SYT9: variants seen among roughly 807,000 people sequenced by gnomAD.
The protein encoded by SYT9 is synaptotagmin 9.
In SYT9, 22 loss-of-function variants were observed where a neutral mutation model predicts 48.4. The ratio of observed to expected loss-of-function variants is 0.45; its 90% CI spans 0.32 to 0.65. The LOEUF (loss-of-function observed/expected upper bound fraction) is 0.65, where lower values mean the gene tolerates loss of function less well. SYT9 is among the 30% of genes least tolerant of loss of function. The pLI is 0.03. For synonymous variants in SYT9, 265 were observed against 245.0 expected (o/e 1.08, Z -0.76); for missense variants, 577 against 622.0 (o/e 0.93, Z 0.77).
chr11:7,451,781 T>A (rs1187877316), intron 6 of SYT9, among the ~76,000 whole-genome samples: 1 of 152,098 alleles, frequency 6.6e-6, no homozygotes, highest in Admixed American at 6.5e-5. Flanking sequence ...TAGAGTGCAC[T>A]CCGGGATGGA....
chr11:7,256,039 A>G (rs770769512), intron 1 of SYT9, among the ~76,000 whole-genome samples: 27 of 152,214 alleles, frequency 1.8e-4, no homozygotes, highest in African/African-American at 6.3e-4. Flanking sequence ...GTCAAAAAGC[A>G]TTAGTCTTAT....
intron 3 of SYT9, among the ~76,000 whole-genome samples, chr11:7,412,521 T>G (rs1301540507): frequency 1.3e-5 from 2 of 152,126 alleles, no homozygotes; most frequent in Non-Finnish European, 2.9e-5. Flanking sequence ...TGTGGTAAAG[T>G]TTTCTGGGAA....
intron 3 of SYT9, among the ~76,000 whole-genome samples, chr11:7,341,686 A>C (rs188453915): frequency 6.6e-6 from 1 of 152,190 alleles, no homozygotes; most frequent in Non-Finnish European, 1.5e-5. Flanking sequence ...AGTTGGTTTT[A>C]TGAAGCAGAG....
intron 1 of SYT9, among the ~76,000 whole-genome samples, chr11:7,278,895 G>A (rs544990421): frequency 1.3e-3 from 192 of 152,312 alleles, no homozygotes; most frequent in Middle Eastern, 3.4e-3. Context: ...ACTTTAAGGA[G>A]GCATATTCTG....
intron 3 of SYT9, among the ~76,000 whole-genome samples, chr11:7,390,348 T>G (rs951398995): frequency 1.2e-4 from 18 of 152,176 alleles, no homozygotes; most frequent in African/African-American, 4.3e-4. Context: ...GTATAAATAT[T>G]ATTTTAACTA....
chr11:7,361,942 C>A (rs1589972540), intron 3 of SYT9, among the ~76,000 whole-genome samples: 1 of 152,122 alleles, frequency 6.6e-6, no homozygotes, highest in Non-Finnish European at 1.5e-5. Flanking sequence ...CACTGAAAAG[C>A]TCCTCTTCCT....
At chr11:7,325,809 G>A (rs1849422061) in intron 3 of SYT9, among the ~76,000 whole-genome samples, 1 of 41,900 alleles carries the variant, frequency 2.4e-5, no homozygotes, top group African/African-American at 1.2e-4. Flanking sequence ...TTTATTGAGA[G>A]TTTTTAGCAT....
At chr11:7,308,096 T>G (rs1232623235) in intron 2 of SYT9, among the ~76,000 whole-genome samples, 1 of 152,226 alleles carries the variant, frequency 6.6e-6, no homozygotes, top group East Asian at 1.9e-4. Flanking sequence ...CCTTCTTCTG[T>G]GTCTGCCTGT....
At chr11:7,255,331 G>A (rs1302928063) in intron 1 of SYT9, among the ~76,000 whole-genome samples, 2 of 34,664 alleles carry the variant, frequency 5.8e-5, no homozygotes, top group Non-Finnish European at 1.5e-4. Context: ...GTGATAAGAC[G>A]TGTATGGTCA....
Position 7,318,694 on chromosome 11 carries a change from C to T in SYT9, c.1044+4753C>T, listed in dbSNP as rs73395958. 8.2e-3 allele frequency among the ~76,000 whole-genome samples: 1,254 copies of T among 152,238 alleles called. 20 individuals carry two copies. The highest frequency in any genetic ancestry group is 0.029 in the African/African-American group (1,209 of 41,526). On this transcript the variant is annotated intron_variant, in intron 3 of 6. Coordinates refer to ENST00000318881, the MANE Select transcript of SYT9 (RefSeq NM_175733.4). ...GAGTTGAGTAAGCCTTTTTATCACA[C>T]GTAATTGTTTTATCGTATGCTATAA...
chr11:7,433,028 G>A (rs1209869488), intron 6 of SYT9, among the ~76,000 whole-genome samples: 1 of 152,146 alleles, frequency 6.6e-6, no homozygotes, highest in African/African-American at 2.4e-5. Flanking sequence ...GCAGGACCTG[G>A]TGAGAAGTGT....
At chr11:7,335,509 C>G (rs1158507205) in intron 3 of SYT9, among the ~76,000 whole-genome samples, 1 of 152,040 alleles carries the variant, frequency 6.6e-6, no homozygotes, top group Non-Finnish European at 1.5e-5. Flanking sequence ...CTGTTCCCCT[C>G]TTTGTGTCCA....
chr11:7,362,101 T>C (rs1164466419), intron 3 of SYT9, among the ~76,000 whole-genome samples: 2 of 151,708 alleles, frequency 1.3e-5, no homozygotes, highest in Non-Finnish European at 2.9e-5. Flanking sequence ...TTTCTTCTCT[T>C]TTTTTCTTTT....
At chr11:7,348,709 T>G (rs1427135017) in intron 3 of SYT9, among the ~76,000 whole-genome samples, 1 of 142,628 alleles carries the variant, frequency 7.0e-6, no homozygotes, top group Non-Finnish European at 1.5e-5. Flanking sequence ...TTTTTTTTTT[T>G]TTTTTTTTGT....
At chr11:7,307,692 T>C (rs887534249) in intron 2 of SYT9, among the ~76,000 whole-genome samples, 4 of 152,190 alleles carry the variant, frequency 2.6e-5, no homozygotes, top group African/African-American at 9.7e-5. Context: ...ATGCATAAGA[T>C]GCATGGGACA....
intron 3 of SYT9, among the ~76,000 whole-genome samples, chr11:7,349,382 A>AACACACACACACACACACACACAC (rs71056799): frequency 2.7e-5 from 4 of 148,270 alleles, no homozygotes; most frequent in East Asian, 2.0e-4. Flanking sequence ...AAAATATACA[A>AACACACACACACACACACACACAC]ACACACACAC....
chr11:7,324,989 T>C (rs886784874), intron 3 of SYT9, among the ~76,000 whole-genome samples: 9 of 152,196 alleles, frequency 5.9e-5, no homozygotes, highest in Non-Finnish European at 1.2e-4. Flanking sequence ...CTGCTTAATG[T>C]ATATATGTAA....
rs2119756643 is a variant in SYT9, at chr11:7,252,329, C to A, written c.143C>A (p.Pro48Gln). The change falls in exon 1 of 7, where the codon CCA becomes CAA. Residue 48 changes from proline (P) to glutamine (Q), a missense_variant and splice_region_variant. Pro to Gln is a moderately conservative substitution (Grantham distance 76, BLOSUM62 -1). Coordinates refer to ENST00000318881, the MANE Select transcript of SYT9 (RefSeq NM_175733.4). The surrounding 1 kb of genome is among the most constrained non-coding windows in gnomAD (Gnocchi z 6.3). ...CGTGCCAGACCCCGGCTCCGCGACC[C>A]AGGTGAGTGCCGCCACCGCCGCCTG... ...RDRARPRLRD[P>Q]DISVSLLTLV... 1.4e-6 allele frequency: 2 copies of A among 1,473,520 alleles called. No homozygotes were observed. Among genetic ancestry groups the A allele is most frequent in the African/African-American group, 1.5e-5 (1 of 68,510 alleles). 91.3% of individuals were successfully genotyped at this position (1,473,520 alleles called of 1,614,324 possible).
At chr11:7,299,251 T>C (rs1346635197) in intron 1 of SYT9, among the ~76,000 whole-genome samples, 2 of 152,196 alleles carry the variant, frequency 1.3e-5, no homozygotes, top group African/African-American at 2.4e-5. Flanking sequence ...TTGGAGGTCA[T>C]GGGTCTGAGG....
Sources: gnomAD v4.1 joint callset for allele counts (sites outside exome capture counted in the v4.1 genomes callset) on GRCh38, gnomAD v4.1.1 for gene constraint, Gnocchi (gnomAD v3.1) non-coding constraint, MANE v1.5 for transcripts, NCBI Gene and HGNC (gene_info 2026-07-23, HGNC 2026-07-21) for gene names.